The following ANKRD27 variants were observed in gnomAD, a reference collection of about 807,000 sequenced individuals.
ANKRD27 encodes ankyrin repeat domain 27, also known as ankyrin repeat domain-containing protein 27.
A neutral mutation model predicts 129.7 loss-of-function variants in ANKRD27; 112 were observed. The observed-to-expected ratio is 0.86, with a 90% CI of 0.74 to 1.01. The LOEUF (loss-of-function observed/expected upper bound fraction) is 1.01, where lower values mean the gene tolerates loss of function less well. Among genes scored for constraint, ANKRD27 ranks in the 50% least tolerant of loss-of-function variants. The pLI is 0.00. For missense variants in ANKRD27, 1,258 were observed against 1,300.5 expected (o/e 0.97, Z 0.50); for synonymous variants, 516 against 511.2 (o/e 1.01, Z -0.13).
chr19:32,642,916 T>G, intron 9 of ANKRD27: 1 of 600,824 alleles, frequency 1.7e-6, no homozygotes, highest in Non-Finnish European at 2.9e-6. Context: ...CCAGCTGGCG[T>G]GCTGGTGCAG....
rs79358435 is a variant in ANKRD27 at position 32,597,671 on chromosome 19, T to G, written c.*474A>C. On this transcript the variant is annotated 3_prime_UTR_variant, in exon 29 of 29. Transcript: ENST00000306065. The stretch of plus-strand genomic sequence containing the variant: ...AGCTGCTGCTTTCTTCCTTCAGATA[T>G]GACATTTCAGCCTGGCCTCTACAGT... 4,818 of 161,820 alleles carry G rather than the reference T, an allele frequency of 0.03. 237 individuals carry two copies. The highest frequency in any genetic ancestry group is 0.11 in the African/African-American group (4,553 of 41,750). The allele number at this position is 161,820 out of a possible 1,614,324, so 10.0% of individuals were successfully genotyped here.
At chr19:32,667,144 T>C (rs10409582) in intron 1 of ANKRD27, among the ~76,000 whole-genome samples, 15,578 of 152,302 alleles carry the variant, frequency 0.1, 2,534 homozygotes, top group African/African-American at 0.34. Context: ...TTGTGAGAAT[T>C]AGAAACAGGC....
chr19:32,653,114 TG>T (rs1967450736), intron 2 of ANKRD27, among the ~76,000 whole-genome samples: 1 of 152,152 alleles, frequency 6.6e-6, no homozygotes, highest in Non-Finnish European at 1.5e-5. Context: ...CCTGAAGGCG[TG>T]CCAAGTTCCC....
chr19:32,629,180 C>G (rs1031144167), intron 13 of ANKRD27, among the ~76,000 whole-genome samples: 1 of 152,040 alleles, frequency 6.6e-6, no homozygotes, highest in Non-Finnish European at 1.5e-5. Context: ...CTCGGCCTCC[C>G]GAAGTGTTGG....
At chr19:32,599,236 G>A (rs1413291739) in intron 28 of ANKRD27, among the ~76,000 whole-genome samples, 4 of 152,184 alleles carry the variant, frequency 2.6e-5, no homozygotes, top group Non-Finnish European at 5.9e-5. Flanking sequence ...AGCCGAGATC[G>A]TGCCACTGCA....
At chr19:32,666,396 A>C (rs981594290) in intron 1 of ANKRD27, 30 of 152,352 alleles carry the variant, frequency 2.0e-4, no homozygotes, top group African/African-American at 7.0e-4. Context: ...CATGACTGAA[A>C]GGTCTGTGAA....
In ANKRD27 at chr19:32,597,626, T is replaced by C. The variant is rs1221644786; in HGVS notation, c.*519A>G. 1 of 154,710 alleles carries C rather than the reference T, an allele frequency of 6.5e-6. No individual in the cohort carries two copies. The highest frequency in any genetic ancestry group is 1.4e-5 in the Non-Finnish European group (1 of 71,450). The allele number at this position is 154,710 out of a possible 1,614,324, so 9.6% of individuals were successfully genotyped here. A position where few individuals can be genotyped will look rare whatever the true frequency, so the allele number is the denominator to read the frequency against. On this transcript the variant is annotated 3_prime_UTR_variant, in exon 29 of 29. Transcript: ENST00000306065. ...AGGCATCTTTTGGTTCGAGTGTTGC[T>C]TTGCAAAGAAACATTGTCCAGCTGC...
intron 24 of ANKRD27, 103 bp from the exon 25 acceptor site, chr19:32,604,527 T>TA: frequency 8.3e-7 from 1 of 1,209,920 alleles, no homozygotes; most frequent in Non-Finnish European, 1.1e-6. Flanking sequence ...TTGTTTTTTT[T>TA]ATGTCTGAAA....
At chr19:32,604,189 G>T (rs1425320831) in intron 25 of ANKRD27, 74 bp downstream of exon 25, 242 of 1,489,540 alleles carry the variant, frequency 1.6e-4, no homozygotes, top group Non-Finnish European at 2.0e-4. Flanking sequence ...TTTAGATCCA[G>T]CTTAAACAAA....
chr19:32,665,578 G>A (rs1304084522), intron 1 of ANKRD27, among the ~76,000 whole-genome samples: 2 of 151,964 alleles, frequency 1.3e-5, no homozygotes, highest in Non-Finnish European at 2.9e-5. Flanking sequence ...TCCTGCCTCA[G>A]CCTCTCAAGT....
At chr19:32,634,991 C>A (rs1201197391) in intron 12 of ANKRD27, among the ~76,000 whole-genome samples, 2 of 152,284 alleles carry the variant, frequency 1.3e-5, no homozygotes, top group South Asian at 2.1e-4. Context: ...ATATTACTGC[C>A]AATGTGCCTG....
chr19:32,603,441 G>A (rs1445991126), intron 25 of ANKRD27, among the ~76,000 whole-genome samples: 1 of 152,140 alleles, frequency 6.6e-6, no homozygotes, highest in African/African-American at 2.4e-5. Flanking sequence ...GCTGCCGCTC[G>A]CCAGGGGAAA....
intron 1 of ANKRD27, among the ~76,000 whole-genome samples, chr19:32,672,052 G>T (rs949729944): frequency 3.9e-5 from 6 of 152,312 alleles, no homozygotes; most frequent in Middle Eastern, 3.4e-3. Context: ...TGGTGACAGC[G>T]TGCAGCCCAG....
intron 17 of ANKRD27, among the ~76,000 whole-genome samples, 163 bp downstream of exon 17, chr19:32,625,711 C>T (rs951123554): frequency 6.6e-6 from 1 of 152,128 alleles, no homozygotes; most frequent in Non-Finnish European, 1.5e-5. Context: ...GGATTACAGG[C>T]GTGAGCCACC....
intron 19 of ANKRD27, 44 bp from the exon 20 acceptor site, chr19:32,619,423 G>A: frequency 6.2e-7 from 1 of 1,613,876 alleles, no homozygotes; most frequent in Non-Finnish European, 8.5e-7. Flanking sequence ...AGGACACAAG[G>A]ACACGTGAGG....
Position 32,602,030 on chromosome 19 carries a change from T to G in ANKRD27, c.2752A>C (p.Lys918Gln), listed in dbSNP as rs1477049450. The part of the protein sequence containing the change: ...ETDRKEYVTV[K>Q]IRKKWNSKLY... ...AAACTCTTACATTTTTTCCTGATCT[T>G]AACAGTGACATACTCCTTGCGGTCA... The change falls in exon 26 of 29, where the codon AAG (lysine) becomes CAG (glutamine). Residue 918 changes from lysine (K) to glutamine (Q), a missense_variant. Lys to Gln is a moderately conservative substitution (Grantham distance 53, BLOSUM62 1). Coordinates refer to ENST00000306065, the MANE Select transcript of ANKRD27 (RefSeq NM_032139.3). The G allele has an allele frequency of 1.2e-6, 2 of 1,612,774 alleles. No individual in the cohort carries two copies. The highest frequency in any genetic ancestry group is 1.7e-6 in the Non-Finnish European group (2 of 1,179,116).
In ANKRD27 at chr19:32,607,621, C is replaced by T; in HGVS notation, c.2373+14G>A. On this transcript the variant is annotated intron_variant, in intron 23 of 28. Coordinates refer to ENST00000306065, the MANE Select transcript of ANKRD27 (RefSeq NM_032139.3). ...AGACACCCTGCTCCACCACCCCCAA[C>T]ACACAGCCCGAACCTGAAAGTGGCC... is the stretch of plus-strand genomic sequence containing the variant. The T allele has an allele frequency of 2.5e-6, 4 of 1,609,956 alleles. No individual in the cohort carries two copies. The highest frequency in any genetic ancestry group is 3.4e-6 in the Non-Finnish European group (4 of 1,179,088).
rs151245074 is a variant in ANKRD27, at chr19:32,657,835, C to T, written c.102+1079G>A. Among the ~76,000 whole-genome samples, 310 of 151,798 alleles carry T rather than the reference C, an allele frequency of 2.0e-3. 1 individual carries two copies. The East Asian group carries it at 0.031, about 15-fold the overall frequency. On this transcript the variant is annotated intron_variant, in intron 2 of 28. Transcript: ENST00000306065. Reference sequence around the variant, plus strand: ...AGTAAAAACACAAAAATTAGCTGGACGTGGTTGCACACACCTGCAATCCCA... The same window carrying T: ...AGTAAAAACACAAAAATTAGCTGGATGTGGTTGCACACACCTGCAATCCCA...
At chr19:32,606,081 T>G in intron 23 of ANKRD27, 127 bp from the exon 24 acceptor site, 1 of 815,936 alleles carries the variant, frequency 1.2e-6, no homozygotes, top group South Asian at 2.7e-5. Flanking sequence ...AGAGAAATGC[T>G]CAAGTTTGAT....
Sources: gnomAD v4.1 joint callset for allele counts (sites outside exome capture counted in the v4.1 genomes callset) on GRCh38, gnomAD v4.1.1 for gene constraint, MANE v1.5 for transcripts, NCBI Gene and HGNC (gene_info 2026-07-23, HGNC 2026-07-21) for gene names.